Variants in ATOH8 observed in about 807,000 individuals in gnomAD.
ATOH8 encodes atonal bHLH transcription factor 8, also known as transcription factor ATOH8.
In ATOH8, 9 loss-of-function variants were observed where a neutral mutation model predicts 21.2. The ratio of observed to expected loss-of-function variants is 0.42; its 90% CI spans 0.26 to 0.74. The LOEUF is 0.74. Among genes scored for constraint, ATOH8 ranks in the 30% least tolerant of loss-of-function variants. The pLI is 0.24. For synonymous variants in ATOH8, 253 were observed against 224.0 expected, an observed-to-expected ratio of 1.13 and a Z score of -1.16; for missense variants, 524 against 470.9, an observed-to-expected ratio of 1.11 and a Z score of -1.04.
intron 2 of ATOH8, chr2:85,773,885 C>A (rs994731320): frequency 6.3e-6 from 1 of 157,828 alleles, no homozygotes; most frequent in Non-Finnish European, 1.4e-5. Flanking sequence ...GTCTCACCAT[C>A]TGAAGGGCTC....
Position 85,785,613 on chromosome 2 carries a change from A to G in ATOH8, c.961-1272A>G, listed in dbSNP as rs1350461304. On this transcript the variant is annotated intron_variant, in intron 2 of 2. Transcript: ENST00000306279. This position sits in a 1 kb window ranked among gnomAD's most constrained non-coding sequence, Gnocchi z 4.1. ...GCCCTCCACGTCGTGGTTTGGCTCC[A>G]TCCTGGCTCCCCAAGCCTCTGTCTC... 3.3e-5 allele frequency among the ~76,000 whole-genome samples: 5 copies of G among 152,038 alleles called. No individual in the cohort carries two copies. The highest frequency in any genetic ancestry group is 1.2e-4 in the African/African-American group (5 of 41,400).
At chr2:85,762,640 T>G (rs1456560573) in intron 1 of ATOH8, among the ~76,000 whole-genome samples, 2 of 151,942 alleles carry the variant, frequency 1.3e-5, no homozygotes, top group Non-Finnish European at 2.9e-5. Context: ...GGGAAAGTTC[T>G]TGGACACAGT....
rs959067369 is a variant in ATOH8, at chr2:85,754,685, TCAGCACCCC to T, written c.504_512del (p.Ala173_Pro175del). 3.2e-5 allele frequency: 51 copies of T among 1,583,090 alleles called. No individual in the cohort carries two copies. The Admixed American group carries it at 5.6e-4, about 17-fold the overall frequency. On this transcript the variant is annotated inframe_deletion, in exon 1 of 3. Coordinates refer to ENST00000306279, the MANE Select transcript of ATOH8 (RefSeq NM_032827.7). ...CGCACCGCCCGCGCGCCCCGCGCCG[TCAGCACCCC>T]CAGCACCGCCAGCGCCCCCGGAGTC...
chr2:85,765,085 G>A (rs1679974181), intron 2 of ATOH8, among the ~76,000 whole-genome samples: 1 of 152,210 alleles, frequency 6.6e-6, no homozygotes, highest in South Asian at 2.1e-4. Context: ...AGGGGTCAGT[G>A]CTGAGCAAGG....
intron 2 of ATOH8, chr2:85,774,948 C>T (rs759022349): frequency 1.0e-5 from 10 of 981,526 alleles, no homozygotes; most frequent in Non-Finnish European, 1.2e-5. Context: ...TGACCCCAAC[C>T]CCAGCTCCTT....
chr2:85,782,286 A>G (rs935311608), intron 2 of ATOH8, among the ~76,000 whole-genome samples: 17 of 152,240 alleles, frequency 1.1e-4, no homozygotes, highest in African/African-American at 4.1e-4. Context: ...AAAATGTATA[A>G]TTTGAAATAG....
chr2:85,754,693 C>CCCAGCACCG lies in ATOH8; in HGVS notation c.510_518dup (p.Ala173_Pro175dup). On this transcript the variant is annotated inframe_insertion, in exon 1 of 3. Coordinates refer to ENST00000306279, the MANE Select transcript of ATOH8 (RefSeq NM_032827.7). ...CCGCGCGCCCCGCGCCGTCAGCACC[C>CCCAGCACCG]CCAGCACCGCCAGCGCCCCCGGAGT... 1.2e-6 allele frequency: 2 copies of CCCAGCACCG among 1,604,734 alleles called. No individual in the cohort carries two copies. The highest frequency in any genetic ancestry group is 1.7e-6 in the Non-Finnish European group (2 of 1,175,986).
At position 85,754,168 on chromosome 2, in the gene ATOH8, T is replaced by G. The variant is rs1298549621; in HGVS notation, c.-22T>G. On this transcript the variant is annotated 5_prime_UTR_variant, in exon 1 of 3. Coordinates refer to ENST00000306279, the MANE Select transcript of ATOH8 (RefSeq NM_032827.7). ...GGCGGCCCGGGCAGCCCCACGCCCC[T>G]GCCTCGCGCGCCGCCCGCGCCATGA... 6 of 1,534,944 alleles carry G rather than the reference T, an allele frequency of 3.9e-6. No homozygotes were observed. Among genetic ancestry groups the G allele is most frequent in the Non-Finnish European group, 4.4e-6 (5 of 1,144,954 alleles).
At position 85,754,830 on chromosome 2, in the gene ATOH8, C is replaced by T. The variant is rs201640710; in HGVS notation, c.641C>T (p.Pro214Leu). ...QDSSASPRKR[P>L]GEATAASSEI... ...TCCTCCGCGTCGCCTAGGAAACGAC[C>T]GGGCGAAGCGACTGCCGCCTCCTCC... Residue 214 changes from proline (P) to leucine (L), a missense_variant, in exon 1 of 3, where the codon CCG (proline) becomes CTG (leucine). Physicochemically the swap from Pro to Leu is moderately conservative, Grantham distance 98 (BLOSUM62 -3). Coordinates refer to ENST00000306279, the MANE Select transcript of ATOH8 (RefSeq NM_032827.7). 11 of 1,612,696 alleles carry T rather than the reference C, an allele frequency of 6.8e-6. No homozygotes were observed. The African/African-American group carries it at 8.0e-5, about 12-fold the overall frequency.
Position 85,763,821 on chromosome 2 carries a change from C to CGTGTGTGTGTGTGT in ATOH8, c.769-147_769-134dup, listed in dbSNP as rs61491730. Among the ~76,000 whole-genome samples, 906 of 143,846 alleles carry CGTGTGTGTGTGTGT rather than the reference C, an allele frequency of 6.3e-3. 11 individuals are homozygous for CGTGTGTGTGTGTGT. The highest frequency in any genetic ancestry group is 0.029 in the East Asian group (141 of 4,830). 94.4% of individuals were successfully genotyped at this position (143,846 alleles called of 152,430 possible). ...GTATATCTCAGAGCAGATGAGCTGA[C>CGTGTGTGTGTGTGT]GTGTGTGTGTGTGTGTGTGTGTGTG... On this transcript the variant is annotated intron_variant, in intron 1 of 2. Coordinates refer to ENST00000306279, the MANE Select transcript of ATOH8 (RefSeq NM_032827.7).
intron 2 of ATOH8, among the ~76,000 whole-genome samples, chr2:85,770,358 A>G (rs1370545): frequency 0.91 from 138,572 of 151,974 alleles, 63,348 homozygotes; most frequent in African/African-American, 0.96. Context: ...TTGGTGGCTC[A>G]CATATCCAAC....
rs73945806 is a variant in ATOH8 at position 85,757,387 on chromosome 2, G to A, written c.768+2430G>A. 9.3e-3 allele frequency among the ~76,000 whole-genome samples: 1,414 copies of A among 152,296 alleles called. 21 individuals carry two copies. Among genetic ancestry groups the A allele is most frequent in the African/African-American group, 0.031 (1,302 of 41,548 alleles). ...AAAATGTACTCCGCACCCCCTCCCC[G>A]AATCCAGACGAGCTGCAGCTCTGGA... On this transcript the variant is annotated intron_variant, in intron 1 of 2. Coordinates refer to ENST00000306279, the MANE Select transcript of ATOH8 (RefSeq NM_032827.7).
chr2:85,766,755 G>A lies in ATOH8; in HGVS notation c.960+2573G>A, dbSNP rs772986947. Among the ~76,000 whole-genome samples, 1 of 152,074 alleles carries A rather than the reference G, an allele frequency of 6.6e-6. No homozygotes were observed. The highest frequency in any genetic ancestry group is 1.5e-5 in the Non-Finnish European group (1 of 68,008). ...CCTTCCAGGCAGGCCCCTGTGTCCC[G>A]CTTCTGGGCACCTATGCTTTTGCGG... On this transcript the variant is annotated intron_variant, in intron 2 of 2. Coordinates refer to ENST00000306279, the MANE Select transcript of ATOH8 (RefSeq NM_032827.7). The surrounding 1 kb of genome is among the most constrained non-coding windows in gnomAD (Gnocchi z 4.0).
At position 85,789,349 on chromosome 2, in the gene ATOH8, T is replaced by C. The variant is rs745507668; in HGVS notation, c.*2459T>C. On this transcript the variant is annotated 3_prime_UTR_variant, in exon 3 of 3. Coordinates refer to ENST00000306279, the MANE Select transcript of ATOH8 (RefSeq NM_032827.7). ...CATGGCATCACGGAGCTCTGGGTTC[T>C]GTACGGAGGGTGGGACAGACAGGTA... 6.6e-6 allele frequency among the ~76,000 whole-genome samples: 1 copy of C among 152,188 alleles called. No homozygotes were observed. The highest frequency in any genetic ancestry group is 2.4e-5 in the African/African-American group (1 of 41,448).
At chr2:85,769,371 A>C (rs1026509766) in intron 2 of ATOH8, among the ~76,000 whole-genome samples, 4 of 152,216 alleles carry the variant, frequency 2.6e-5, no homozygotes, top group Non-Finnish European at 5.9e-5. Flanking sequence ...AGGCTTAGCC[A>C]GCAAGCTAGA....
At chr2:85,762,677 C>T (rs994595237) in intron 1 of ATOH8, among the ~76,000 whole-genome samples, 4 of 152,046 alleles carry the variant, frequency 2.6e-5, no homozygotes, top group Admixed American at 6.5e-5. Context: ...TCAAAGTGGG[C>T]GATGTGTTTA....
At chr2:85,767,850 C>T (rs1299349414) in intron 2 of ATOH8, among the ~76,000 whole-genome samples, 1 of 152,176 alleles carries the variant, frequency 6.6e-6, no homozygotes, top group Non-Finnish European at 1.5e-5. Flanking sequence ...GAGAGATTGC[C>T]CAGAGTCCTG....
At chr2:85,761,357 A>G (rs191301903) in intron 1 of ATOH8, among the ~76,000 whole-genome samples, 6 of 152,334 alleles carry the variant, frequency 3.9e-5, no homozygotes, top group African/African-American at 1.4e-4. Flanking sequence ...TAGCTACCAC[A>G]GTGTCAGATA....
At chr2:85,764,802 C>A (rs1399092033) in intron 2 of ATOH8, among the ~76,000 whole-genome samples, 1 of 152,090 alleles carries the variant, frequency 6.6e-6, no homozygotes, top group South Asian at 2.1e-4. Context: ...AGGGCAGGAG[C>A]CCTGTGCTAG....
Sources: allele counts gnomAD v4.1 joint callset (sites outside exome capture counted in the v4.1 genomes callset), GRCh38; gene constraint gnomAD v4.1.1; non-coding constraint Gnocchi (gnomAD v3.1); transcripts MANE v1.5; gene names NCBI Gene and HGNC (gene_info 2026-07-23, HGNC 2026-07-21).